BICRA: variants seen among roughly 807,000 people sequenced by gnomAD.
BICRA encodes BRD4-interacting chromatin-remodeling complex-associated protein.
BICRA carries 31 observed loss-of-function variants against 96.9 expected under a neutral mutation model. That is an observed-to-expected ratio of 0.32 (90% CI 0.24 to 0.43). The LOEUF is 0.43. Ranked by LOEUF, BICRA falls within the 20% of genes least tolerant of loss-of-function variation. The pLI is 1.00. For synonymous variants in BICRA, 1,350 were observed against 1,071.8 expected, an observed-to-expected ratio of 1.26 and a Z score of -5.07; for missense variants, 2,283 against 2,190.3, an observed-to-expected ratio of 1.04 and a Z score of -0.84.
chr19:47,632,712 A>G (rs1972238839), intron 1 of BICRA, among the ~76,000 whole-genome samples: 1 of 152,168 alleles, frequency 6.6e-6, no homozygotes, highest in Non-Finnish European at 1.5e-5. Context: ...CACAGTCAGA[A>G]CTTAAGGATC....
At chr19:47,670,243 C>T (rs771486422) in intron 1 of BICRA, among the ~76,000 whole-genome samples, 200 bp from the exon 2 acceptor site, 12 of 152,284 alleles carry the variant, frequency 7.9e-5, no homozygotes, top group East Asian at 5.8e-4. Flanking sequence ...CGTGAGCCAC[C>T]GCGCCAGCCA....
At position 47,673,729 on chromosome 19, in the gene BICRA, G is replaced by A. The variant is rs1972900523; in HGVS notation, c.51G>A (p.Gln17=). The A allele has an allele frequency of 6.2e-7, 1 of 1,607,876 alleles. No homozygotes were observed. The highest frequency in any genetic ancestry group is 8.5e-7 in the Non-Finnish European group (1 of 1,176,794). The change falls in exon 4 of 15, where the codon CAG becomes CAA. Residue 17 remains glutamine (Q), a synonymous_variant. Coordinates refer to ENST00000594866, the MANE Select transcript of BICRA (RefSeq NM_001394372.1). ...TCCTCTTCTCTTCCAGTGACCCACA[G>A]GCCCTCAATGACTTCTTGCATGGAT... ...RCLLDVICDP[Q]ALNDFLHGSE... is the part of the protein sequence containing the mutation.
intron 1 of BICRA, among the ~76,000 whole-genome samples, chr19:47,628,510 G>A (rs1169280826): frequency 6.6e-6 from 1 of 152,202 alleles, no homozygotes; most frequent in Non-Finnish European, 1.5e-5. Flanking sequence ...CCAATTTGCA[G>A]CCAGGTCTGT....
intron 11 of BICRA, among the ~76,000 whole-genome samples, chr19:47,697,217 C>CTGGTCTTG (rs1973359948): frequency 6.6e-6 from 1 of 151,956 alleles, no homozygotes; most frequent in African/African-American, 2.4e-5. Context: ...ATGTTGGCCT[C>CTGGTCTTG]AAGTGATCCA....
chr19:47,682,666 TTCTC>T (rs759636083), intron 7 of BICRA, among the ~76,000 whole-genome samples: 7 of 146,802 alleles, frequency 4.8e-5, no homozygotes, highest in Admixed American at 6.9e-5. Context: ...CCATTCTTCA[TTCTC>T]TCTCTCTTTT....
In BICRA at chr19:47,681,114, G is replaced by T. The variant is rs1013899105; in HGVS notation, c.1944G>T (p.Pro648=). Residue 648 remains proline (P), a synonymous_variant, in exon 6 of 15, where the codon CCG becomes CCT. Coordinates refer to ENST00000594866, the MANE Select transcript of BICRA (RefSeq NM_001394372.1). ...AGCAGCCGCAGGCGCAGCAGCCCCC[G>T]CAGGCCCCCACCCCACAGGCCGCCG... ...GLQQPQAQQP[P]QAPTPQAAAP... is the part of the protein sequence containing the mutation. 8 of 1,387,368 alleles carry T rather than the reference G, an allele frequency of 5.8e-6. No homozygotes were observed. The African/African-American group carries it at 1.2e-4, about 21-fold the overall frequency. The allele number at this position is 1,387,368 out of a possible 1,614,324, so 85.9% of individuals were successfully genotyped here.
intron 7 of BICRA, among the ~76,000 whole-genome samples, chr19:47,693,012 A>G (rs1973263749): frequency 6.6e-6 from 1 of 152,178 alleles, no homozygotes. Flanking sequence ...TCAGTTTCTT[A>G]TCTGTGAAAT....
intron 1 of BICRA, among the ~76,000 whole-genome samples, chr19:47,633,987 C>T (rs894824793): frequency 3.9e-5 from 6 of 152,370 alleles, no homozygotes; most frequent in African/African-American, 1.4e-4. Flanking sequence ...ACACGTCTCA[C>T]TCCAGAGGTT....
rs552359540 is a variant in BICRA, at chr19:47,697,529, G to C, written c.3248+1017G>C. Among the ~76,000 whole-genome samples the C allele has an allele frequency of 1.1e-3, 164 of 152,122 alleles. 1 individual carries two copies. Among genetic ancestry groups the C allele is most frequent in the Non-Finnish European group, 1.9e-3 (130 of 68,012 alleles). The stretch of plus-strand genomic sequence containing the variant: ...GTCTCATTCTGTCACCCAGGCTGGA[G>C]TGCAGTGGTACAATCTCGGCTCACT... On this transcript the variant is annotated intron_variant, in intron 11 of 14. Transcript: ENST00000594866.
chr19:47,633,018 A>G (rs1443201389), intron 1 of BICRA, among the ~76,000 whole-genome samples: 1 of 151,560 alleles, frequency 6.6e-6, no homozygotes, highest in Non-Finnish European at 1.5e-5. Flanking sequence ...GATAAAGCTT[A>G]GCGGCTCTTA....
intron 1 of BICRA, among the ~76,000 whole-genome samples, chr19:47,610,012 C>T (rs1019680959): frequency 1.3e-4 from 19 of 150,300 alleles, no homozygotes; most frequent in African/African-American, 4.4e-4. Flanking sequence ...TTCGGGGCGG[C>T]CCCCCATCTC....
intron 11 of BICRA, among the ~76,000 whole-genome samples, chr19:47,697,745 TG>T (rs1973370056): frequency 1.3e-5 from 2 of 152,316 alleles, no homozygotes; most frequent in Admixed American, 1.3e-4. Context: ...CCCAAAGTGC[TG>T]GGAGTACAAG....
At chr19:47,633,738 C>A (rs1305367560) in intron 1 of BICRA, among the ~76,000 whole-genome samples, 1 of 152,228 alleles carries the variant, frequency 6.6e-6, no homozygotes, top group African/African-American at 2.4e-5. Flanking sequence ...GATATGAAAA[C>A]ACCACCAATG....
intron 2 of BICRA, among the ~76,000 whole-genome samples, chr19:47,671,736 A>T: frequency 9.3e-6 from 1 of 107,494 alleles, no homozygotes. Flanking sequence ...GATGGAGGGG[A>T]TGGGTAGGTA....
At chr19:47,614,014 G>T (rs1971948392) in intron 1 of BICRA, among the ~76,000 whole-genome samples, 1 of 151,860 alleles carries the variant, frequency 6.6e-6, no homozygotes, top group African/African-American at 2.4e-5. Flanking sequence ...CCTACTGTGT[G>T]ACAGGGCCCT....
chr19:47,613,070 G>T (rs1971933043), intron 1 of BICRA, among the ~76,000 whole-genome samples: 2 of 152,158 alleles, frequency 1.3e-5, no homozygotes, highest in South Asian at 4.1e-4. Context: ...TCCGAGTGAG[G>T]CCCTAGAGGG....
Position 47,675,730 on chromosome 19 carries a change from C to G in BICRA, c.85-121C>G. On this transcript the variant is annotated intron_variant, in intron 4 of 14. Transcript: ENST00000594866. The surrounding 1 kb of genome is among the most constrained non-coding windows in gnomAD (Gnocchi z 4.7). ...CGGAGGCGAGAGTTTCCCATACCCCCAGCCCTCTCCCATCCCAACCCTTGT... is the reference window on the plus strand; with the variant it reads ...CGGAGGCGAGAGTTTCCCATACCCCGAGCCCTCTCCCATCCCAACCCTTGT... 1 of 776,912 alleles carries G rather than the reference C, an allele frequency of 1.3e-6. No homozygotes were observed. 48.1% of individuals were successfully genotyped at this position (776,912 alleles called of 1,614,324 possible).
rs1568578407 is a variant in BICRA at position 47,696,490 on chromosome 19, C to G, written c.3226C>G (p.Leu1076Val). The G allele has an allele frequency of 6.2e-7, 1 of 1,605,114 alleles. No homozygotes were observed. The highest frequency in any genetic ancestry group is 8.5e-7 in the Non-Finnish European group (1 of 1,175,996). Reference protein sequence around the residue: ...KLSGLKKPPTLQPSKEACFLE... With the variant: ...KLSGLKKPPTVQPSKEACFLE... ...GAGTGGCCTGAAGAAGCCCCCCACG[C>G]TTCAGCCCAGCAAGGAAGCCTGGTG... The change falls in exon 11 of 15, where the codon CTT (leucine) becomes GTT (valine). Residue 1076 changes from leucine (L) to valine (V), a missense_variant. Transcript: ENST00000594866.
At chr19:47,659,697 C>CACA (rs1972674819) in intron 1 of BICRA, among the ~76,000 whole-genome samples, 1 of 141,216 alleles carries the variant, frequency 7.1e-6, no homozygotes, top group Non-Finnish European at 1.5e-5. Flanking sequence ...CACACACACA[C>CACA]ACACACACAC....
Sources: allele counts gnomAD v4.1 joint callset (sites outside exome capture counted in the v4.1 genomes callset), GRCh38; gene constraint gnomAD v4.1.1; non-coding constraint Gnocchi (gnomAD v3.1); transcripts MANE v1.5; gene names NCBI Gene and HGNC (gene_info 2026-07-23, HGNC 2026-07-21).